The following PARVA variants were observed in gnomAD, a reference collection of about 807,000 sequenced individuals.
PARVA encodes the protein alpha-parvin.
A neutral mutation model predicts 52.6 loss-of-function variants in PARVA; 25 were observed. The observed-to-expected ratio is 0.48, with a 90% CI of 0.35 to 0.66. The LOEUF (loss-of-function observed/expected upper bound fraction) is 0.66, where lower values mean the gene tolerates loss of function less well. Among genes scored for constraint, PARVA ranks in the 30% least tolerant of loss-of-function variants. PARVA has a pLI of 0.01. For synonymous variants in PARVA, 185 were observed against 179.1 expected (o/e 1.03, Z -0.26); for missense variants, 373 against 450.9 (o/e 0.83, Z 1.56).
chr11:12,393,044 GAAAAAAAAAAA>G (rs60966710), intron 1 of PARVA, among the ~76,000 whole-genome samples: 12 of 46,132 alleles, frequency 2.6e-4, no homozygotes, highest in South Asian at 9.1e-4. Context: ...CCCAAATTGT[GAAAAAAAAAAA>G]AAAAAAAAAA....
chr11:12,377,454 G>A, upstream of PARVA: 1 of 1,400,620 alleles, frequency 7.1e-7, no homozygotes, highest in Non-Finnish European at 9.2e-7. Flanking sequence ...GCTCCTTCCA[G>A]GGCAGAGGGC....
chr11:12,528,735 A>G lies in PARVA; in HGVS notation c.*810A>G, dbSNP rs1027407990. On this transcript the variant is annotated 3_prime_UTR_variant, in exon 13 of 13. Coordinates refer to ENST00000334956, the MANE Select transcript of PARVA (RefSeq NM_018222.5). Reference sequence around the variant, plus strand: ...ACACTGAAATTGGCAAATTGGATTTAACCCAATTAATAGTGTGTGTGTGGC... The same window carrying G: ...ACACTGAAATTGGCAAATTGGATTTGACCCAATTAATAGTGTGTGTGTGGC... 1 of 152,666 alleles carries G rather than the reference A, an allele frequency of 6.6e-6. No individual in the cohort carries two copies. Among genetic ancestry groups the G allele is most frequent in the African/African-American group, 2.4e-5 (1 of 41,468 alleles). The allele number at this position is 152,666 out of a possible 1,614,324, so 9.5% of individuals were successfully genotyped here. A position where few individuals can be genotyped will look rare whatever the true frequency, so the allele number is the denominator to read the frequency against.
At chr11:12,502,805 A>AT (rs34251505) in intron 5 of PARVA, among the ~76,000 whole-genome samples, 123 of 148,374 alleles carry the variant, frequency 8.3e-4, no homozygotes, top group Admixed American at 1.5e-3. Flanking sequence ...AACTATTTTC[A>AT]TTTTTTTTTT....
At chr11:12,404,467 C>T (rs1308452196) in intron 1 of PARVA, among the ~76,000 whole-genome samples, 1 of 152,192 alleles carries the variant, frequency 6.6e-6, no homozygotes, top group African/African-American at 2.4e-5. Context: ...AGAGGGAAAG[C>T]CCTTGGTGCT....
In PARVA at chr11:12,508,052, CTGAG is replaced by C. The variant is rs561309964; in HGVS notation, c.658-527_658-524del. Among the ~76,000 whole-genome samples the C allele has an allele frequency of 1.0e-3, 148 of 144,690 alleles. 1 individual carries two copies. Among genetic ancestry groups the C allele is most frequent in the African/African-American group, 3.7e-3 (143 of 38,988 alleles). The allele number at this position is 144,690 out of a possible 152,430, so 94.9% of individuals were successfully genotyped here. On this transcript the variant is annotated intron_variant, in intron 6 of 12. Transcript: ENST00000334956. The stretch of plus-strand genomic sequence containing the variant: ...TTTTCTCAGAGAATAAGCTAGTTAC[CTGAG>C]TGAGGACTTACTACTTATTTAAAAG...
chr11:12,450,253 G>A (rs565712071), intron 1 of PARVA, among the ~76,000 whole-genome samples: 5 of 152,172 alleles, frequency 3.3e-5, no homozygotes, highest in South Asian at 2.1e-4. Flanking sequence ...CATCTTTGCC[G>A]CCACCCCATG....
At chr11:12,460,538 C>A (rs960948628) in intron 1 of PARVA, among the ~76,000 whole-genome samples, 1 of 152,134 alleles carries the variant, frequency 6.6e-6, no homozygotes. Context: ...AAACAGTGCT[C>A]TTCAGGGTAA....
At chr11:12,521,120 T>G (rs1941631495) in intron 12 of PARVA, among the ~76,000 whole-genome samples, 1 of 152,152 alleles carries the variant, frequency 6.6e-6, no homozygotes, top group Non-Finnish European at 1.5e-5. Flanking sequence ...AGAAGACATC[T>G]AGTACCAGGC....
intron 4 of PARVA, among the ~76,000 whole-genome samples, chr11:12,484,504 GGTGTGTGTGTGTGTGTGTGTGTGT>G (rs35501237): frequency 3.2e-4 from 46 of 144,698 alleles, no homozygotes; most frequent in African/African-American, 9.2e-4. Context: ...GTTTTGTTTT[GGTGTGTGTGTGTGTGTGTGTGTGT>G]GTGTGTGTGT....
At chr11:12,508,558 A>G in intron 6 of PARVA, 26 bp from the exon 7 acceptor site, 1 of 1,565,326 alleles carries the variant, frequency 6.4e-7, no homozygotes, top group Non-Finnish European at 8.8e-7. Flanking sequence ...TTCTCCTCCC[A>G]ACCCCTTTCC....
At position 12,473,958 on chromosome 11, in the gene PARVA, A is replaced by T. The variant is rs375241379; in HGVS notation, c.272A>T (p.Asp91Val). 5.4e-5 allele frequency: 86 copies of T among 1,581,464 alleles called. No homozygotes were observed. The highest frequency in any genetic ancestry group is 7.0e-5 in the Non-Finnish European group (81 of 1,163,876). ...ATGGTGGATCCAAACTCACGCAGTG[A>T]CCCCAAGCTTCAAGAACTGATGAAG... ...RTMVDPNSRS[D>V]PKLQELMKVL... is the part of the protein sequence containing the mutation. Residue 91 changes from aspartate (D) to valine (V), a missense_variant, in exon 3 of 13, where the codon GAC (aspartate) becomes GTC (valine). Physicochemically the swap from Asp to Val is radical, Grantham distance 152. Coordinates refer to ENST00000334956, the MANE Select transcript of PARVA (RefSeq NM_018222.5).
rs1941770216 is a variant in PARVA, at chr11:12,531,381, T to C, written c.*3456T>C. 6.6e-6 allele frequency among the ~76,000 whole-genome samples: 1 copy of C among 152,186 alleles called. No homozygotes were observed. Among genetic ancestry groups the C allele is most frequent in the African/African-American group, 2.4e-5 (1 of 41,436 alleles). ...GTTGCTTGGTTAACCCTACAGAGTA[T>C]ACTTGAAGCTTATTTGCATCAACAG... On this transcript the variant is annotated 3_prime_UTR_variant, in exon 13 of 13. Transcript: ENST00000334956.
rs190173713 is a variant in PARVA at position 12,513,601 on chromosome 11, C to A, written c.798+241C>A. On this transcript the variant is annotated intron_variant, in intron 9 of 12. Coordinates refer to ENST00000334956, the MANE Select transcript of PARVA (RefSeq NM_018222.5). ...GTCTTCCCACCCAGGCTAACCCCAG[C>A]AATCTCAGCCTTCCCCACTCCTCAC... The A allele has an allele frequency of 6.5e-4, 430 of 658,786 alleles. 1 individual carries two copies. The African/African-American group carries it at 6.7e-3, about 10-fold the overall frequency. The allele number at this position is 658,786 out of a possible 1,614,324, so 40.8% of individuals were successfully genotyped here.
At chr11:12,399,145 A>G (rs1303392266) in intron 1 of PARVA, among the ~76,000 whole-genome samples, 2 of 152,234 alleles carry the variant, frequency 1.3e-5, no homozygotes, top group Non-Finnish European at 2.9e-5. Flanking sequence ...TCTGCCGCTC[A>G]GTATATATTA....
At chr11:12,510,122 CTATTGA>C (rs1416560551) in intron 7 of PARVA, among the ~76,000 whole-genome samples, 3 of 152,162 alleles carry the variant, frequency 2.0e-5, no homozygotes, top group Non-Finnish European at 2.9e-5. Flanking sequence ...ACTTTCCTAT[CTATTGA>C]TATTGATAGT....
At chr11:12,449,051 A>G (rs2135012258) in intron 1 of PARVA, among the ~76,000 whole-genome samples, 1 of 152,304 alleles carries the variant, frequency 6.6e-6, no homozygotes. Flanking sequence ...AGTTGCTTTA[A>G]TTTGGGTTTA....
At chr11:12,488,532 G>T (rs1386192478) in intron 4 of PARVA, among the ~76,000 whole-genome samples, 1 of 152,162 alleles carries the variant, frequency 6.6e-6, no homozygotes, top group Non-Finnish European at 1.5e-5. Context: ...CAAATCTTGG[G>T]TAGAGTCTGA....
At chr11:12,511,633 G>A in intron 8 of PARVA, 100 bp downstream of exon 8, 1 of 1,271,702 alleles carries the variant, frequency 7.9e-7, no homozygotes, top group Non-Finnish European at 1.1e-6. Context: ...TTGTCACCTG[G>A]ATATACGTCT....
At chr11:12,465,746 T>G (rs1277486976) in intron 1 of PARVA, among the ~76,000 whole-genome samples, 1 of 152,216 alleles carries the variant, frequency 6.6e-6, no homozygotes, top group Non-Finnish European at 1.5e-5. Flanking sequence ...GTACTACAGT[T>G]TATCTACTCA....
Sources: allele counts gnomAD v4.1 joint callset (sites outside exome capture counted in the v4.1 genomes callset), GRCh38; gene constraint gnomAD v4.1.1; transcripts MANE v1.5; gene names NCBI Gene and HGNC (gene_info 2026-07-23, HGNC 2026-07-21).